The following RIOK1 variants were observed in gnomAD, a reference collection of about 807,000 sequenced individuals.
RIOK1 encodes the protein serine/threonine-protein kinase RIO1.
RIOK1 carries 66 observed loss-of-function variants against 73.5 expected under a neutral mutation model. The observed-to-expected ratio is 0.90, with a 90% CI of 0.74 to 1.10. RIOK1 has a LOEUF of 1.10. RIOK1 is among the 50% of genes least tolerant of loss of function. The pLI, the probability that RIOK1 is intolerant of heterozygous loss-of-function variation, is 0.00. For synonymous variants in RIOK1, 224 were observed against 226.8 expected (o/e 0.99, Z 0.11); for missense variants, 658 against 699.8 (o/e 0.94, Z 0.67).
At chr6:7,411,475 G>A (rs1312961867) in intron 14 of RIOK1, 24 bp downstream of exon 14, 2 of 1,612,844 alleles carry the variant, frequency 1.2e-6, no homozygotes, top group Admixed American at 3.3e-5. Flanking sequence ...TTTGTATATA[G>A]CAAGCAGCTC....
chr6:7,412,861 ATT>A (rs572016993), intron 14 of RIOK1, 26 bp from the exon 15 acceptor site: 400 of 1,006,896 alleles, frequency 4.0e-4, no homozygotes, highest in South Asian at 8.3e-4. Flanking sequence ...GTTGATCCTT[ATT>A]TTTTTTTTTT....
In RIOK1 at chr6:7,404,491, T is replaced by C. The variant is rs1479599906; in HGVS notation, c.928T>C (p.Tyr310His). The C allele has an allele frequency of 3.1e-6, 5 of 1,614,172 alleles. No individual in the cohort carries two copies. The highest frequency in any genetic ancestry group is 1.6e-4 in the Middle Eastern group (1 of 6,062). The change falls in exon 10 of 17, where the codon TAC (tyrosine) becomes CAC (histidine). Residue 310 changes from tyrosine (Y) to histidine (H), a missense_variant. By Grantham distance (83) the Tyr-to-His change is moderately conservative (BLOSUM62 2). Transcript: ENST00000379834. The stretch of plus-strand genomic sequence containing the variant: ...GGAGTTGTACCTGCAGGTCATTCAG[T>C]ACATGAGAAGAATGTATCAGGATGC... ...ARELYLQVIQ[Y>H]MRRMYQDARL...
chr6:7,398,277 C>G (rs1324624754), intron 4 of RIOK1, among the ~76,000 whole-genome samples: 1 of 151,902 alleles, frequency 6.6e-6, no homozygotes, highest in Non-Finnish European at 1.5e-5. Context: ...GAGTCTATGC[C>G]TAGCCTGGGC....
intron 12 of RIOK1, among the ~76,000 whole-genome samples, chr6:7,407,039 A>G (rs958352314): frequency 3.3e-5 from 5 of 152,228 alleles, no homozygotes; most frequent in Non-Finnish European, 7.3e-5. Context: ...TCATCTGTGG[A>G]TGGACATACG....
intron 16 of RIOK1, among the ~76,000 whole-genome samples, chr6:7,416,118 G>A (rs907870741): frequency 2.2e-4 from 34 of 152,230 alleles, no homozygotes; most frequent in African/African-American, 7.5e-4. Context: ...AGTGCTATGT[G>A]ACTATTATTA....
At chr6:7,390,108 G>C (rs114514364) in intron 1 of RIOK1, 35 bp downstream of exon 1, 1 of 1,540,730 alleles carries the variant, frequency 6.5e-7, no homozygotes, top group East Asian at 2.4e-5. Flanking sequence ...CTCTGGGTAC[G>C]GCTCTCTCCT....
Position 7,411,484 on chromosome 6 carries a change from T to G in RIOK1, c.1389+33T>G. ...GCTTGGTTTGTATATAGCAAGCAGC[T>G]CTTCAAAAGTAGTAGGGGACTGTCC... On this transcript the variant is annotated intron_variant, in intron 14 of 16. Transcript: ENST00000379834. 4 of 1,612,408 alleles carry G rather than the reference T, an allele frequency of 2.5e-6. No homozygotes were observed. The South Asian group carries it at 4.4e-5, about 18-fold the overall frequency.
rs766942505 is a variant in RIOK1 at position 7,417,318 on chromosome 6, T to A, written c.1597-13T>A. On this transcript the variant is annotated splice_polypyrimidine_tract_variant and intron_variant, in intron 16 of 16. Coordinates refer to ENST00000379834, the MANE Select transcript of RIOK1 (RefSeq NM_031480.3). ...AATGAATGAAAGTTGGCTTTTTTGT[T>A]TGTTTTTTACAGGAAAGAAAAAAGA... is the stretch of plus-strand genomic sequence containing the variant. 1 of 1,490,592 alleles carries A rather than the reference T, an allele frequency of 6.7e-7. No individual in the cohort carries two copies. Among genetic ancestry groups the A allele is most frequent in the East Asian group, 2.3e-5 (1 of 42,942 alleles). 92.3% of individuals were successfully genotyped at this position (1,490,592 alleles called of 1,614,324 possible). A position where few individuals can be genotyped will look rare whatever the true frequency, so the allele number is the denominator to read the frequency against.
Position 7,404,002 on chromosome 6 carries a change from A to G in RIOK1, c.829A>G (p.Met277Val). Reference protein sequence around the residue: ...PIMLRSHVLVMSFIGKDDMPA... With the variant: ...PIMLRSHVLVVSFIGKDDMPA... ...AATGCTAAGAAGTCATGTTCTTGTCATGAGTTTCATCGGTAAAGATGACAT... is the reference window on the plus strand; with the variant it reads ...AATGCTAAGAAGTCATGTTCTTGTCGTGAGTTTCATCGGTAAAGATGACAT... Residue 277 changes from methionine to valine, a missense_variant, in exon 9 of 17, where the codon ATG becomes GTG. Coordinates refer to ENST00000379834, the MANE Select transcript of RIOK1 (RefSeq NM_031480.3). 1 of 1,611,526 alleles carries G rather than the reference A, an allele frequency of 6.2e-7. No homozygotes were observed. The highest frequency in any genetic ancestry group is 8.5e-7 in the Non-Finnish European group (1 of 1,178,106).
Position 7,390,010 on chromosome 6 carries a change from A to C in RIOK1, c.8A>C (p.Tyr3Ser), listed in dbSNP as rs548389817. MD[Y>S]RRLLMSRVVP... ...CGGCGGCGCTCTCCAGTCATGGACT[A>C]CCGGCGGCTTCTCATGAGCCGGGTG... Residue 3 changes from tyrosine (Y) to serine (S), a missense_variant, in exon 1 of 17, where the codon TAC (tyrosine) becomes TCC (serine). Physicochemically the swap from Tyr to Ser is moderately radical, Grantham distance 144. Coordinates refer to ENST00000379834, the MANE Select transcript of RIOK1 (RefSeq NM_031480.3). 30 of 1,552,970 alleles carry C rather than the reference A, an allele frequency of 1.9e-5. No homozygotes were observed. In the South Asian group the frequency reaches 3.6e-4, roughly 18 times the overall value.
chr6:7,400,259 A>T (rs1761576909), intron 5 of RIOK1, among the ~76,000 whole-genome samples: 1 of 152,224 alleles, frequency 6.6e-6, no homozygotes, highest in Non-Finnish European at 1.5e-5. Flanking sequence ...TGGCTCACAT[A>T]TAGTTTCTGT....
At chr6:7,401,568 CTGTTTT>C (rs901292791) in intron 6 of RIOK1, among the ~76,000 whole-genome samples, 1 of 150,558 alleles carries the variant, frequency 6.6e-6, no homozygotes, top group South Asian at 2.1e-4. Context: ...AATATAGTTT[CTGTTTT>C]TGTTTTTTTT....
chr6:7,414,744 A>G (rs186634376), intron 16 of RIOK1, among the ~76,000 whole-genome samples: 2 of 152,312 alleles, frequency 1.3e-5, no homozygotes, highest in Admixed American at 1.3e-4. Context: ...AGACCATATA[A>G]TAGTCCCCCC....
At position 7,405,366 on chromosome 6, in the gene RIOK1, G is replaced by A. The variant is rs1761719893; in HGVS notation, c.1203+11G>A. 6.9e-7 allele frequency: 1 copy of A among 1,454,324 alleles called. No homozygotes were observed. The highest frequency in any genetic ancestry group is 1.4e-5 in the African/African-American group (1 of 71,940). 90.1% of individuals were successfully genotyped at this position (1,454,324 alleles called of 1,614,324 possible). A position where few individuals can be genotyped will look rare whatever the true frequency, so the allele number is the denominator to read the frequency against. The stretch of plus-strand genomic sequence containing the variant: ...GCTTATCTCTCAAAGGTAAGATGGG[G>A]AGAGGAAGGAGGAATAGGAAATAGC... On this transcript the variant is annotated intron_variant, in intron 12 of 16. Coordinates refer to ENST00000379834, the MANE Select transcript of RIOK1 (RefSeq NM_031480.3).
At chr6:7,410,004 C>A (rs375310903) in intron 12 of RIOK1, among the ~76,000 whole-genome samples, 34 of 152,286 alleles carry the variant, frequency 2.2e-4, no homozygotes, top group African/African-American at 7.5e-4. Flanking sequence ...CAATTCCCTT[C>A]GCCGACTGCT....
rs1254524112 is a variant in RIOK1, at chr6:7,395,132, A to C, written c.356A>C (p.Lys119Thr). 3 of 1,611,954 alleles carry C rather than the reference A, an allele frequency of 1.9e-6. No homozygotes were observed. Among genetic ancestry groups the C allele is most frequent in the African/African-American group, 1.3e-5 (1 of 74,776 alleles). Residue 119 changes from lysine (K) to threonine (T), a missense_variant, in exon 3 of 17, where the codon AAA becomes ACA. Physicochemically the swap from Lys to Thr is moderately conservative, Grantham distance 78. Coordinates refer to ENST00000379834, the MANE Select transcript of RIOK1 (RefSeq NM_031480.3). The stretch of plus-strand genomic sequence containing the variant: ...AAGGTCTTACGGAAATTTGAGAATA[A>C]AATTAATTTAGGTGAGTTTACAAAA... ...ADKVLRKFEN[K>T]INLDKLNVTD... is the part of the protein sequence containing the mutation.
chr6:7,410,450 A>C lies in RIOK1; in HGVS notation c.1268A>C (p.Glu423Ala). 1 of 1,605,848 alleles carries C rather than the reference A, an allele frequency of 6.2e-7. No individual in the cohort carries two copies. The highest frequency in any genetic ancestry group is 8.5e-7 in the Non-Finnish European group (1 of 1,173,010). ...TCTAGCCAAGATCATGTGGATGAAG[A>C]GGTAGGATTTATTATCTATTCACAG... is the stretch of plus-strand genomic sequence containing the variant. ...ERSSQDHVDE[E>A]VFKRAYIPRT... The change falls in exon 13 of 17, where the codon GAG (glutamate) becomes GCG (alanine). Residue 423 changes from glutamate (E) to alanine (A), a missense_variant and splice_region_variant. By Grantham distance (107) the Glu-to-Ala change is moderately radical. Transcript: ENST00000379834.
chr6:7,416,317 C>T (rs1414071576), intron 16 of RIOK1, among the ~76,000 whole-genome samples: 8 of 152,188 alleles, frequency 5.3e-5, no homozygotes, highest in Admixed American at 3.3e-4. Context: ...TAATAACATT[C>T]TTAGGGATAT....
chr6:7,403,999 G>T lies in RIOK1; in HGVS notation c.826G>T (p.Val276Phe). 2 of 1,611,844 alleles carry T rather than the reference G, an allele frequency of 1.2e-6. No individual in the cohort carries two copies. Among genetic ancestry groups the T allele is most frequent in the Non-Finnish European group, 1.7e-6 (2 of 1,178,484 alleles). The change falls in exon 9 of 17, where the codon GTC (valine) becomes TTC (phenylalanine). Residue 276 changes from valine (V) to phenylalanine (F), a missense_variant. Physicochemically the swap from Val to Phe is conservative, Grantham distance 50. Transcript: ENST00000379834. ...EPIMLRSHVLVMSFIGKDDMP... is the reference protein window; with the variant it reads ...EPIMLRSHVLFMSFIGKDDMP... ...AATAATGCTAAGAAGTCATGTTCTT[G>T]TCATGAGTTTCATCGGTAAAGATGA...
Sources: gnomAD v4.1 joint callset for allele counts (sites outside exome capture counted in the v4.1 genomes callset) on GRCh38, gnomAD v4.1.1 for gene constraint, MANE v1.5 for transcripts, NCBI Gene and HGNC (gene_info 2026-07-23, HGNC 2026-07-21) for gene names.